Variants in CD2AP observed in about 807,000 individuals in gnomAD.
The protein encoded by CD2AP is CD2 associated protein.
In CD2AP, 46 loss-of-function variants were observed where a neutral mutation model predicts 85.1. That is an observed-to-expected ratio of 0.54 (90% CI 0.43 to 0.69). CD2AP has a LOEUF of 0.69. Among genes scored for constraint, CD2AP ranks in the 30% least tolerant of loss-of-function variants. The pLI, the probability that CD2AP is intolerant of heterozygous loss-of-function variation, is 0.00. For missense variants in CD2AP, 769 were observed against 729.5 expected (o/e 1.05, Z -0.62); for synonymous variants, 255 against 252.9 (o/e 1.01, Z -0.08).
At chr6:47,567,380 A>G (rs1482699421) in intron 5 of CD2AP, among the ~76,000 whole-genome samples, 2 of 152,182 alleles carry the variant, frequency 1.3e-5, no homozygotes, top group Non-Finnish European at 2.9e-5. Flanking sequence ...TTCAGCATTC[A>G]TATATTTATT....
At chr6:47,482,502 C>T (rs1765470745) in intron 1 of CD2AP, among the ~76,000 whole-genome samples, 1 of 151,774 alleles carries the variant, frequency 6.6e-6, no homozygotes, top group Admixed American at 6.6e-5. Context: ...CCTCAGCTTC[C>T]CGAGTAGCTG....
At chr6:47,537,675 T>A (rs1767089032) in intron 3 of CD2AP, among the ~76,000 whole-genome samples, 1 of 152,118 alleles carries the variant, frequency 6.6e-6, no homozygotes, top group Non-Finnish European at 1.5e-5. Context: ...ATAATGAAGA[T>A]TTTCTAAAAT....
At chr6:47,513,163 C>G (rs962267124) in intron 2 of CD2AP, among the ~76,000 whole-genome samples, 6 of 120,834 alleles carry the variant, frequency 5.0e-5, no homozygotes, top group Non-Finnish European at 8.9e-5. Context: ...TTTTTTTCTT[C>G]TTTTAAAGTA....
At chr6:47,529,691 A>G (rs1049797142) in intron 2 of CD2AP, among the ~76,000 whole-genome samples, 2 of 152,248 alleles carry the variant, frequency 1.3e-5, no homozygotes, top group African/African-American at 4.8e-5. Context: ...GGTATGCCAC[A>G]GGAATTTAAC....
At chr6:47,478,368 C>T in intron 1 of CD2AP, 120 bp downstream of exon 1, 1 of 1,127,216 alleles carries the variant, frequency 8.9e-7, no homozygotes, top group Non-Finnish European at 1.3e-6. Context: ...AGCACCCCAC[C>T]CTCTCCATTC....
intron 14 of CD2AP, 112 bp from the exon 15 acceptor site, chr6:47,607,815 C>A: frequency 1.4e-6 from 1 of 694,880 alleles, no homozygotes; most frequent in Non-Finnish European, 2.5e-6. Context: ...GGGATATCAG[C>A]AACAGTAGCA....
chr6:47,533,901 T>C, intron 3 of CD2AP, 146 bp downstream of exon 3: 2 of 721,420 alleles, frequency 2.8e-6, no homozygotes, highest in Non-Finnish European at 4.5e-6. Flanking sequence ...GTTATTGCCC[T>C]GTGTAGTCAA....
chr6:47,588,061 T>C (rs1391206485), intron 11 of CD2AP, among the ~76,000 whole-genome samples: 1 of 152,200 alleles, frequency 6.6e-6, no homozygotes, highest in Non-Finnish European at 1.5e-5. Flanking sequence ...TTGCATTTCA[T>C]ACTTTCTGTC....
At chr6:47,512,429 A>G (rs1050232771) in intron 2 of CD2AP, among the ~76,000 whole-genome samples, 4 of 152,142 alleles carry the variant, frequency 2.6e-5, no homozygotes, top group Non-Finnish European at 5.9e-5. Context: ...CTTGTAAAAA[A>G]CTCACGTCCC....
At chr6:47,525,523 A>G (rs758753479) in intron 2 of CD2AP, among the ~76,000 whole-genome samples, 2 of 152,088 alleles carry the variant, frequency 1.3e-5, no homozygotes, top group African/African-American at 4.8e-5. Context: ...ATTGCTTTCT[A>G]TTTTCAAATC....
At chr6:47,562,765 G>T (rs1767895352) in intron 5 of CD2AP, 1 of 975,156 alleles carries the variant, frequency 1.0e-6, no homozygotes, top group Non-Finnish European at 1.6e-6. Context: ...GCAAGCTCAT[G>T]TTTGTGTGCT....
chr6:47,605,473 A>C (rs879819554), intron 13 of CD2AP, among the ~76,000 whole-genome samples: 3 of 151,958 alleles, frequency 2.0e-5, no homozygotes, highest in Non-Finnish European at 2.9e-5. Context: ...ATGAGGAAGT[A>C]AGTTGGTAAT....
chr6:47,561,185 A>C (rs1377923853), intron 5 of CD2AP, among the ~76,000 whole-genome samples: 1 of 152,210 alleles, frequency 6.6e-6, no homozygotes, highest in Non-Finnish European at 1.5e-5. Context: ...TAAAATATAC[A>C]ATCTGATGAG....
intron 5 of CD2AP, among the ~76,000 whole-genome samples, chr6:47,570,711 A>C (rs1261417475): frequency 6.6e-6 from 1 of 152,204 alleles, no homozygotes; most frequent in Non-Finnish European, 1.5e-5. Flanking sequence ...AAATTAGTTT[A>C]CTTCTCATAG....
At chr6:47,482,404 A>T in intron 1 of CD2AP, among the ~76,000 whole-genome samples, 1 of 131,574 alleles carries the variant, frequency 7.6e-6, no homozygotes, top group South Asian at 2.5e-4. Context: ...TTTGAGATGG[A>T]GTCTTGCTCT....
At position 47,533,599 on chromosome 6, in the gene CD2AP, T is replaced by C; in HGVS notation, c.166-3T>C. 6.2e-7 allele frequency: 1 copy of C among 1,613,156 alleles called. No homozygotes were observed. Among genetic ancestry groups the C allele is most frequent in the Non-Finnish European group, 8.5e-7 (1 of 1,179,544 alleles). On this transcript the variant is annotated splice_region_variant and splice_polypyrimidine_tract_variant and intron_variant, in intron 2 of 17. Transcript: ENST00000359314. The stretch of plus-strand genomic sequence containing the variant: ...GCCTCTTTATTTATTTTCCCTTTTG[T>C]AGGAAATTAAAAGAGAGACGGAATT...
chr6:47,502,747 C>T lies in CD2AP; in HGVS notation c.5-533C>T, dbSNP rs1766028936. On this transcript the variant is annotated intron_variant, in intron 1 of 17. Coordinates refer to ENST00000359314, the MANE Select transcript of CD2AP (RefSeq NM_012120.3). ...GACCTCGTGATCTGCCTGCCTTGGC[C>T]TCCCAAAGTGCTGAGATTACAGATG... 3.9e-5 allele frequency among the ~76,000 whole-genome samples: 6 copies of T among 152,086 alleles called. No individual in the cohort carries two copies. In the South Asian group the frequency reaches 1.2e-3, roughly 31 times the overall value.
intron 2 of CD2AP, among the ~76,000 whole-genome samples, chr6:47,522,207 C>T (rs916152782): frequency 6.6e-6 from 1 of 151,994 alleles, no homozygotes; most frequent in African/African-American, 2.4e-5. Flanking sequence ...ATTTTGCAAG[C>T]GCCAGAGCAC....
At chr6:47,571,416 T>C (rs1437755064) in intron 5 of CD2AP, among the ~76,000 whole-genome samples, 1 of 152,148 alleles carries the variant, frequency 6.6e-6, no homozygotes, top group Non-Finnish European at 1.5e-5. Context: ...AGCTCTACCA[T>C]TGTCCTAGGT....
Sources: allele counts gnomAD v4.1 joint callset (sites outside exome capture counted in the v4.1 genomes callset), GRCh38; gene constraint gnomAD v4.1.1; transcripts MANE v1.5; gene names NCBI Gene and HGNC (gene_info 2026-07-23, HGNC 2026-07-21).